PLXNC1: variants seen among roughly 807,000 people sequenced by gnomAD.
PLXNC1 encodes the protein plexin C1, also known as plexin-C1.
A neutral mutation model predicts 178.2 loss-of-function variants in PLXNC1; 75 were observed. That is an observed-to-expected ratio of 0.42 (90% CI 0.35 to 0.51). PLXNC1 has a LOEUF of 0.51. Among genes scored for constraint, PLXNC1 ranks in the 20% least tolerant of loss-of-function variants. PLXNC1 has a pLI of 0.02. For synonymous variants in PLXNC1, 790 were observed against 779.9 expected, an observed-to-expected ratio of 1.01 and a Z score of -0.22; for missense variants, 1,503 against 1,984.4, an observed-to-expected ratio of 0.76 and a Z score of 4.61.
At chr12:94,199,131 A>G (rs1288427867) in intron 4 of PLXNC1, among the ~76,000 whole-genome samples, 1 of 152,182 alleles carries the variant, frequency 6.6e-6, no homozygotes, top group East Asian at 1.9e-4. Flanking sequence ...CCTCAGTGAG[A>G]AGGGGCATCT....
intron 21 of PLXNC1, among the ~76,000 whole-genome samples, chr12:94,271,400 T>A (rs944899660): frequency 6.6e-6 from 1 of 152,226 alleles, no homozygotes; most frequent in African/African-American, 2.4e-5. Flanking sequence ...TGATTCATCC[T>A]GCCAGCCCCC....
intron 9 of PLXNC1, among the ~76,000 whole-genome samples, chr12:94,233,555 G>T (rs1344856398): frequency 6.6e-6 from 1 of 152,146 alleles, no homozygotes; most frequent in Non-Finnish European, 1.5e-5. Context: ...ACAGGGCATT[G>T]GTCTGTCACC....
chr12:94,171,829 C>T lies in PLXNC1; in HGVS notation c.1203+2536C>T, dbSNP rs147731368. Among the ~76,000 whole-genome samples, 1,261 of 152,194 alleles carry T rather than the reference C, an allele frequency of 8.3e-3. 17 individuals are homozygous for T. Among genetic ancestry groups the T allele is most frequent in the Admixed American group, 0.019 (285 of 15,296 alleles). On this transcript the variant is annotated intron_variant, in intron 2 of 30. Coordinates refer to ENST00000258526, the MANE Select transcript of PLXNC1 (RefSeq NM_005761.3). Reference sequence around the variant, plus strand: ...TAACTTCTTGGGAATTAACACCCACCCCCCAAGCCCCCAATAAGAGAGAAG... The same window carrying T: ...TAACTTCTTGGGAATTAACACCCACTCCCCAAGCCCCCAATAAGAGAGAAG...
Position 94,206,929 on chromosome 12 carries a change from GC to G in PLXNC1, c.1440-2660del, listed in dbSNP as rs200181133. ...TCAAGTGTTTATGCACTTGACCGTT[GC>G]TCTTGTTGATACGCAGGAATTAGAG... On this transcript the variant is annotated intron_variant, in intron 4 of 30. Transcript: ENST00000258526. 4.8e-3 allele frequency among the ~76,000 whole-genome samples: 727 copies of G among 152,296 alleles called. 27 individuals are homozygous for G. The highest frequency in any genetic ancestry group is 0.043 in the Admixed American group (658 of 15,290).
In PLXNC1 at chr12:94,194,703, G is replaced by A. The variant is rs150591751; in HGVS notation, c.1439+8230G>A. 5.3e-3 allele frequency among the ~76,000 whole-genome samples: 800 copies of A among 152,288 alleles called. 7 individuals carry two copies. Among genetic ancestry groups the A allele is most frequent in the African/African-American group, 0.018 (755 of 41,554 alleles). On this transcript the variant is annotated intron_variant, in intron 4 of 30. Coordinates refer to ENST00000258526, the MANE Select transcript of PLXNC1 (RefSeq NM_005761.3). ...TAGGAGGTTGAGGCTTCAGTGAGCC[G>A]TGATTGTACCACTGCACTCCAGCCT...
In PLXNC1 at chr12:94,224,223, T is replaced by A; in HGVS notation, c.1703-5T>A. Reference sequence around the variant, plus strand: ...GTAAATGACATTTTCCCCCCTTCCCTCCAGATGTTTCAGTTGTCAACGTGA... The same window carrying A: ...GTAAATGACATTTTCCCCCCTTCCCACCAGATGTTTCAGTTGTCAACGTGA... On this transcript the variant is annotated splice_region_variant and splice_polypyrimidine_tract_variant and intron_variant, in intron 6 of 30. Coordinates refer to ENST00000258526, the MANE Select transcript of PLXNC1 (RefSeq NM_005761.3). 1 of 1,568,260 alleles carries A rather than the reference T, an allele frequency of 6.4e-7. No individual in the cohort carries two copies. Among genetic ancestry groups the A allele is most frequent in the Non-Finnish European group, 8.8e-7 (1 of 1,138,146 alleles).
chr12:94,181,720 C>A, intron 3 of PLXNC1, 140 bp downstream of exon 3: 1 of 648,242 alleles, frequency 1.5e-6, no homozygotes, highest in Non-Finnish European at 2.7e-6. Context: ...CGCAGTGGTT[C>A]ACAGGCACGG....
At chr12:94,219,029 A>C (rs1963720154) in intron 5 of PLXNC1, among the ~76,000 whole-genome samples, 1 of 152,230 alleles carries the variant, frequency 6.6e-6, no homozygotes, top group African/African-American at 2.4e-5. Context: ...AATTTTTCTA[A>C]CATTAAGGCA....
intron 23 of PLXNC1, among the ~76,000 whole-genome samples, chr12:94,287,487 C>T (rs762130741): frequency 6.6e-6 from 1 of 152,162 alleles, no homozygotes; most frequent in Non-Finnish European, 1.5e-5. Flanking sequence ...TTATTGCACC[C>T]GCACCCTGCT....
chr12:94,194,379 G>C (rs1962838603), intron 4 of PLXNC1, among the ~76,000 whole-genome samples: 1 of 152,164 alleles, frequency 6.6e-6, no homozygotes, highest in South Asian at 2.1e-4. Context: ...GATAGAATCT[G>C]GGCTTTGTGT....
At chr12:94,245,161 T>C (rs1431427505) in intron 12 of PLXNC1, among the ~76,000 whole-genome samples, 1 of 152,230 alleles carries the variant, frequency 6.6e-6, no homozygotes, top group Non-Finnish European at 1.5e-5. Context: ...CTCATCTCCA[T>C]GGTGTGAACA....
chr12:94,292,116 T>C (rs1316210498), intron 23 of PLXNC1, among the ~76,000 whole-genome samples: 2 of 152,216 alleles, frequency 1.3e-5, no homozygotes, highest in Non-Finnish European at 2.9e-5. Context: ...AACTAACACA[T>C]AGTAATAATG....
intron 9 of PLXNC1, 181 bp downstream of exon 9, chr12:94,227,416 G>T (rs1283451456): frequency 2.1e-6 from 1 of 482,606 alleles, no homozygotes; most frequent in Admixed American, 3.7e-5. Context: ...TCAATGGCTG[G>T]ACACTCACAT....
chr12:94,275,066 T>G (rs955475150), intron 21 of PLXNC1, among the ~76,000 whole-genome samples: 11 of 152,196 alleles, frequency 7.2e-5, no homozygotes, highest in African/African-American at 2.7e-4. Context: ...TTCCCTCAGC[T>G]GGTGAGCAGC....
At chr12:94,172,156 A>G (rs1961868737) in intron 2 of PLXNC1, among the ~76,000 whole-genome samples, 1 of 152,228 alleles carries the variant, frequency 6.6e-6, no homozygotes, top group Non-Finnish European at 1.5e-5. Flanking sequence ...TCCTTAAGCC[A>G]CAGCGTGGGG....
chr12:94,194,153 G>A (rs1451222461), intron 4 of PLXNC1, among the ~76,000 whole-genome samples: 2 of 152,020 alleles, frequency 1.3e-5, no homozygotes, highest in East Asian at 1.9e-4. Flanking sequence ...TTGGGGAGGT[G>A]CCACACACTT....
chr12:94,215,037 C>A (rs1242297347), intron 5 of PLXNC1, among the ~76,000 whole-genome samples: 1 of 152,092 alleles, frequency 6.6e-6, no homozygotes, highest in Non-Finnish European at 1.5e-5. Context: ...GCTGGGATTA[C>A]AGGTGCCCAC....
chr12:94,204,751 A>C (rs1963247921), intron 4 of PLXNC1, among the ~76,000 whole-genome samples: 4 of 152,246 alleles, frequency 2.6e-5, no homozygotes, highest in Admixed American at 2.6e-4. Context: ...AAATGCAGAC[A>C]TCTGTTTCAA....
chr12:94,169,168 C>T lies in PLXNC1; in HGVS notation c.1078C>T (p.Pro360Ser). Residue 360 changes from proline to serine, a missense_variant, in exon 2 of 31, where the codon CCT becomes TCT. By Grantham distance (74) the Pro-to-Ser change is moderately conservative. This residue lies in a region of PLXNC1 where 615 missense variants were observed against 698.6 expected (regional missense o/e 0.88). Coordinates refer to ENST00000258526, the MANE Select transcript of PLXNC1 (RefSeq NM_005761.3). ...AESHCKEGDQPERVQPIASST... is the reference protein window; with the variant it reads ...AESHCKEGDQSERVQPIASST... The stretch of plus-strand genomic sequence containing the variant: ...GCATGTTCAGAAAGAAGGGGATCAA[C>T]CTGAAAGAGTCCAACCAATCGCATC... The T allele has an allele frequency of 6.2e-7, 1 of 1,613,828 alleles. No homozygotes were observed. Among genetic ancestry groups the T allele is most frequent in the South Asian group, 1.1e-5 (1 of 91,042 alleles).
Sources: gnomAD v4.1 joint callset for allele counts (sites outside exome capture counted in the v4.1 genomes callset) on GRCh38, gnomAD v4.1.1 for gene constraint, gnomAD v4.1.1 regional missense constraint, MANE v1.5 for transcripts, NCBI Gene and HGNC (gene_info 2026-07-23, HGNC 2026-07-21) for gene names.